Variants in SSB observed in about 807,000 individuals in gnomAD.
SSB encodes the protein lupus La protein.
In SSB, 17 loss-of-function variants were observed where a neutral mutation model predicts 52.9. The ratio of observed to expected loss-of-function variants is 0.32; its 90% confidence interval spans 0.22 to 0.48. The LOEUF is 0.48. Ranked by LOEUF, SSB falls within the 20% of genes least tolerant of loss-of-function variation. The probability of loss-of-function intolerance (pLI) is 0.99; values close to 1 mark genes in which losing one functional copy is unlikely to be tolerated. For missense variants in SSB, 314 were observed against 463.6 expected, an observed-to-expected ratio of 0.68 and a Z score of 2.96; for synonymous variants, 111 against 152.1, an observed-to-expected ratio of 0.73 and a Z score of 1.99.
At chr2:169,800,376 C>G (rs1021484389) in intron 1 of SSB, among the ~76,000 whole-genome samples, 1 of 151,866 alleles carries the variant, frequency 6.6e-6, no homozygotes, top group Non-Finnish European at 1.5e-5. Context: ...ACTAAAAATA[C>G]AAAAATTAGT....
At chr2:169,799,188 G>A (rs1237258726) in intron 1 of SSB, 1 of 151,892 alleles carries the variant, frequency 6.6e-6, no homozygotes, top group African/African-American at 2.4e-5. Context: ...AGGAATGCGG[G>A]ATCCTGGGGT....
chr2:169,807,139 T>C, intron 6 of SSB, 68 bp downstream of exon 6: 1 of 1,307,480 alleles, frequency 7.6e-7, no homozygotes, highest in Non-Finnish European at 1.1e-6. Context: ...GTAAGGAGCA[T>C]GGAAGTAGTA....
chr2:169,804,418 T>C (rs1449021063), intron 2 of SSB, among the ~76,000 whole-genome samples: 4 of 151,726 alleles, frequency 2.6e-5, no homozygotes, highest in African/African-American at 9.7e-5. Flanking sequence ...ATTTTATTTA[T>C]TTATTTATTT....
intron 10 of SSB, 28 bp downstream of exon 10, chr2:169,811,072 G>C (rs1400274243): frequency 1.2e-6 from 2 of 1,601,466 alleles, no homozygotes; most frequent in Non-Finnish European, 1.7e-6. Context: ...TTCTTTAACA[G>C]TTTGGTTGTT....
At chr2:169,799,525 T>C (rs1231886937) in intron 1 of SSB, 1 of 152,142 alleles carries the variant, frequency 6.6e-6, no homozygotes. Context: ...ACGTGGGTAA[T>C]ATTTCATTTA....
At chr2:169,807,794 C>G (rs1378650605) in intron 6 of SSB, among the ~76,000 whole-genome samples, 1 of 61,388 alleles carries the variant, frequency 1.6e-5, no homozygotes, top group African/African-American at 5.3e-5. Context: ...GGGTCACATT[C>G]TTTGTGAATG....
chr2:169,807,152 C>A, intron 6 of SSB, 81 bp downstream of exon 6: 1 of 1,058,850 alleles, frequency 9.4e-7, no homozygotes, highest in Non-Finnish European at 1.4e-6. Flanking sequence ...AAGTAGTATC[C>A]CCTGAAAGGC....
Position 169,808,908 on chromosome 2 carries a change from T to C in SSB, c.669+6T>C, listed in dbSNP as rs73016461. 63,497 of 1,593,538 alleles carry C rather than the reference T, an allele frequency of 0.04. 1,718 individuals are homozygous for C. Among genetic ancestry groups the C allele is most frequent in the African/African-American group, 0.13 (9,773 of 74,232 alleles). ...TAGAAGAAGATGCTGAAATGGTAAG[T>C]ATATATTACTGCTATCTAGTACATC... On this transcript the variant is annotated splice_donor_region_variant and intron_variant, in intron 8 of 11. Transcript: ENST00000260956.
In SSB at chr2:169,804,564, T is replaced by G. The variant is rs1054133978; in HGVS notation, c.67-910T>G. Reference sequence around the variant, plus strand: ...ACTCCTGGCCCCCCACCCCCTTTTTTGAGATGGAGTCTCACTCTTTTGTCA... The same window carrying G: ...ACTCCTGGCCCCCCACCCCCTTTTTGGAGATGGAGTCTCACTCTTTTGTCA... On this transcript the variant is annotated intron_variant, in intron 2 of 11. Transcript: ENST00000260956. 4.0e-5 allele frequency among the ~76,000 whole-genome samples: 6 copies of G among 151,764 alleles called. No homozygotes were observed. The South Asian group carries it at 6.3e-4, about 16-fold the overall frequency.
intron 3 of SSB, 34 bp from the exon 4 acceptor site, chr2:169,805,630 CT>C: frequency 6.2e-7 from 1 of 1,611,854 alleles, no homozygotes; most frequent in South Asian, 1.1e-5. Flanking sequence ...ATGAGTGCTA[CT>C]GCTGAGTCTT....
intron 8 of SSB, 110 bp from the exon 9 acceptor site, chr2:169,810,173 A>G (rs1253422137): frequency 3.2e-6 from 2 of 632,686 alleles, no homozygotes; most frequent in Non-Finnish European, 4.8e-6. Flanking sequence ...ACTTTAAAAT[A>G]GCATTTTGGT....
chr2:169,810,588 C>A, intron 9 of SSB, 165 bp downstream of exon 9: 1 of 723,618 alleles, frequency 1.4e-6, no homozygotes, highest in Non-Finnish European at 2.2e-6. Context: ...CTGAATTATA[C>A]TAAATTAGTT....
At chr2:169,810,232 G>A in intron 8 of SSB, 51 bp from the exon 9 acceptor site, 2 of 1,448,458 alleles carry the variant, frequency 1.4e-6, no homozygotes, top group East Asian at 4.8e-5. Context: ...GTCATTTCTG[G>A]TCTGTTGTTG....
intron 2 of SSB, 64 bp from the exon 3 acceptor site, chr2:169,805,410 A>G (rs1478257431): frequency 8.4e-7 from 1 of 1,188,438 alleles, no homozygotes; most frequent in African/African-American, 1.5e-5. Context: ...GGTACTGTAG[A>G]GTAATGTCAG....
rs1272490636 is a variant in SSB at position 169,809,854 on chromosome 2, G to T, written c.670-429G>T. Among the ~76,000 whole-genome samples, 3 of 152,076 alleles carry T rather than the reference G, an allele frequency of 2.0e-5. No individual in the cohort carries two copies. In the East Asian group the frequency reaches 5.8e-4, roughly 29 times the overall value. On this transcript the variant is annotated intron_variant, in intron 8 of 11. Transcript: ENST00000260956. Reference sequence around the variant, plus strand: ...GATGCTCTCGATCTCTTGACCTGGTGATCCGCCTGCCTCGGCCTCCCAAAG... The same window carrying T: ...GATGCTCTCGATCTCTTGACCTGGTTATCCGCCTGCCTCGGCCTCCCAAAG...
intron 6 of SSB, among the ~76,000 whole-genome samples, chr2:169,807,760 T>TTTTTTTTTTA (rs1553482596): frequency 1.5e-5 from 2 of 132,480 alleles, no homozygotes; most frequent in African/African-American, 2.7e-5. Flanking sequence ...TTTTTTTTTT[T>TTTTTTTTTTA]ACAGTACAAA....
At chr2:169,804,131 T>C (rs1689771489) in intron 2 of SSB, among the ~76,000 whole-genome samples, 1 of 152,218 alleles carries the variant, frequency 6.6e-6, no homozygotes, top group East Asian at 1.9e-4. Flanking sequence ...TTGTTTGTCT[T>C]TTACTTTTTA....
At chr2:169,803,657 T>G (rs538406517) in intron 2 of SSB, among the ~76,000 whole-genome samples, 2 of 152,260 alleles carry the variant, frequency 1.3e-5, no homozygotes, top group Non-Finnish European at 2.9e-5. Context: ...CCCGGGAGTT[T>G]CAGGCTGCAG....
chr2:169,811,709 C>T lies in SSB; in HGVS notation c.1180C>T (p.Pro394Ser). Residue 394 changes from proline to serine, a missense_variant, in exon 12 of 12, where the codon CCT becomes TCT. By Grantham distance (74) the Pro-to-Ser change is moderately conservative. Transcript: ENST00000260956. ...AAGAGAAGAAACAGACAAAGAAGAA[C>T]CTGCATCCAAACAACAGAAAACAGA... The part of the protein sequence containing the change: ...RAREETDKEE[P>S]ASKQQKTENG... 2 of 1,613,242 alleles carry T rather than the reference C, an allele frequency of 1.2e-6. No individual in the cohort carries two copies. Among genetic ancestry groups the T allele is most frequent in the Non-Finnish European group, 1.7e-6 (2 of 1,179,536 alleles).
Sources: gnomAD v4.1 joint callset for allele counts (sites outside exome capture counted in the v4.1 genomes callset) on GRCh38, gnomAD v4.1.1 for gene constraint, MANE v1.5 for transcripts, NCBI Gene and HGNC (gene_info 2026-07-23, HGNC 2026-07-21) for gene names.